FAM53A: variants seen among roughly 807,000 people sequenced by gnomAD.
FAM53A encodes the protein protein FAM53A.
In FAM53A, 28 loss-of-function variants were observed where a neutral mutation model predicts 26.6. The ratio of observed to expected loss-of-function variants is 1.05; its 90% confidence interval spans 0.78 to 1.45. The LOEUF (loss-of-function observed/expected upper bound fraction) is 1.45, where lower values mean the gene tolerates loss of function less well. Among genes scored for constraint, FAM53A ranks in the 40% most tolerant of loss-of-function variants. The pLI, the probability that FAM53A is intolerant of heterozygous loss-of-function variation, is 0.00. For missense variants in FAM53A, 650 were observed against 575.8 expected, an observed-to-expected ratio of 1.13 and a Z score of -1.32; for synonymous variants, 290 against 253.1, an observed-to-expected ratio of 1.15 and a Z score of -1.38.
At chr4:1,593,287 G>A in the FAM53A span, among the ~76,000 whole-genome samples, 2 of 152,080 alleles carry the variant, frequency 1.3e-5, no homozygotes, top group Non-Finnish European at 2.9e-5. Context: ...GCGCCCGCAG[G>A]AGGGAAGCCG....
At chr4:1,576,862 T>G in the FAM53A span, among the ~76,000 whole-genome samples, 3 of 152,078 alleles carry the variant, frequency 2.0e-5, no homozygotes, top group Non-Finnish European at 2.9e-5. Context: ...CACTTCCCAC[T>G]CTGTAAAATG....
intron 4 of FAM53A, among the ~76,000 whole-genome samples, 164 bp downstream of exon 4, chr4:1,654,814 C>T (rs1366049024): frequency 6.6e-6 from 1 of 152,216 alleles, no homozygotes; most frequent in African/African-American, 2.4e-5. Flanking sequence ...GGCCCCCGAT[C>T]GCTCCCACGC....
chr4:1,652,054 A>AGT (rs1712853442), intron 4 of FAM53A, among the ~76,000 whole-genome samples: 2 of 141,022 alleles, frequency 1.4e-5, no homozygotes, highest in African/African-American at 5.3e-5. Flanking sequence ...CACACACGCC[A>AGT]CACACACACC....
chr4:1,599,826 G>C, the FAM53A span, among the ~76,000 whole-genome samples: 1 of 152,240 alleles, frequency 6.6e-6, no homozygotes, highest in Non-Finnish European at 1.5e-5. The surrounding 1 kb of genome is among the most constrained non-coding windows in gnomAD (Gnocchi z 6.1). Flanking sequence ...AGTGGGGCCA[G>C]TGGCGCTGAG....
chr4:1,663,617 G>A (rs1714012567), intron 2 of FAM53A, among the ~76,000 whole-genome samples: 1 of 152,124 alleles, frequency 6.6e-6, no homozygotes, highest in South Asian at 2.1e-4. Flanking sequence ...GCCACCCAGA[G>A]ACAGTGAGCA....
downstream of FAM53A, among the ~76,000 whole-genome samples, chr4:1,638,162 GCCAA>G (rs1435910689): frequency 6.6e-6 from 1 of 151,812 alleles, no homozygotes; most frequent in Non-Finnish European, 1.5e-5. Context: ...ACCCTGCAGG[GCCAA>G]CCAAGGGACT....
the FAM53A span, among the ~76,000 whole-genome samples, chr4:1,599,131 C>T: frequency 1.3e-4 from 19 of 150,198 alleles, no homozygotes; most frequent in Non-Finnish European, 2.4e-4. The surrounding 1 kb of genome is among the most constrained non-coding windows in gnomAD (Gnocchi z 6.1). Context: ...GGTACTTCAC[C>T]GAGGCCAGGG....
At chr4:1,633,049 T>C (rs28439770) in intron 1 of FAM53A, among the ~76,000 whole-genome samples, 3 of 137,678 alleles carry the variant, frequency 2.2e-5, no homozygotes, top group Middle Eastern at 3.5e-3. Flanking sequence ...CATAGGTACA[T>C]GCTCATGCGC....
intron 4 of FAM53A, chr4:1,644,295 G>A (rs1712033426): frequency 7.2e-6 from 11 of 1,535,846 alleles, no homozygotes; most frequent in South Asian, 2.4e-5. Flanking sequence ...GTAAGCTCAC[G>A]CCGAGGCCTC....
chr4:1,673,563 T>C (rs564280229), intron 1 of FAM53A, among the ~76,000 whole-genome samples: 2 of 152,030 alleles, frequency 1.3e-5, no homozygotes, highest in Non-Finnish European at 2.9e-5. Context: ...TGAAACCCCA[T>C]CTCTATTAAA....
intron 4 of FAM53A, among the ~76,000 whole-genome samples, chr4:1,654,646 G>A (rs909392307): frequency 6.6e-6 from 1 of 152,232 alleles, no homozygotes; most frequent in African/African-American, 2.4e-5. Flanking sequence ...CCCAGCAGCT[G>A]AGGCGGGGGG....
chr4:1,583,972 A>G, the FAM53A span, among the ~76,000 whole-genome samples: 3 of 152,242 alleles, frequency 2.0e-5, 1 homozygote, highest in South Asian at 6.2e-4. Flanking sequence ...ATCATCAGCC[A>G]TTCAGGTTCT....
chr4:1,629,562 C>A (rs998027952), intron 1 of FAM53A, among the ~76,000 whole-genome samples: 26 of 152,308 alleles, frequency 1.7e-4, no homozygotes, highest in Admixed American at 1.4e-3. Context: ...TCTGGGCCAC[C>A]CCCTCATCCT....
At position 1,659,488 on chromosome 4, in the gene FAM53A, G is replaced by A. The variant is rs1342581355; in HGVS notation, c.76-2020C>T. Among the ~76,000 whole-genome samples, 10 of 152,296 alleles carry A rather than the reference G, an allele frequency of 6.6e-5. No homozygotes were observed. In the South Asian group the frequency reaches 1.0e-3, roughly 16 times the overall value. On this transcript the variant is annotated intron_variant, in intron 2 of 4. Transcript: ENST00000308132. The surrounding 1 kb of genome is among the most constrained non-coding windows in gnomAD (Gnocchi z 5.2). ...CCCAGCCGGCACAGATGGCTCTCAC[G>A]GGCAGCTTGAAGGAGCCACAGGCCC...
downstream of FAM53A, among the ~76,000 whole-genome samples, chr4:1,638,503 C>T (rs1167902802): frequency 6.6e-6 from 1 of 152,126 alleles, no homozygotes. Flanking sequence ...AGCCTCCAGC[C>T]CCACTCACCA....
chr4:1,609,865 A>C, the FAM53A span, among the ~76,000 whole-genome samples: 93 of 152,214 alleles, frequency 6.1e-4, 1 homozygote, highest in African/African-American at 2.1e-3. Flanking sequence ...CGGGAGGCTA[A>C]GGTGGGAGAA....
the FAM53A span, among the ~76,000 whole-genome samples, chr4:1,586,017 A>C: frequency 1.3e-5 from 2 of 152,202 alleles, no homozygotes; most frequent in Non-Finnish European, 2.9e-5. Context: ...GATTATAGGC[A>C]TGAGCCACCT....
chr4:1,610,282 C>A, the FAM53A span, among the ~76,000 whole-genome samples: 4 of 152,002 alleles, frequency 2.6e-5, no homozygotes, highest in African/African-American at 9.7e-5. Context: ...GGCCCCCAGA[C>A]TCCAGCTGCC....
chr4:1,590,955 C>CATATATACATATACATATATATAT, the FAM53A span, among the ~76,000 whole-genome samples: 2 of 46,280 alleles, frequency 4.3e-5, no homozygotes, highest in Non-Finnish European at 4.7e-5. Flanking sequence ...TTATTTAATG[C>CATATATACATATACATATATATAT]ATATATATAT....
Sources: allele counts gnomAD v4.1 joint callset (sites outside exome capture counted in the v4.1 genomes callset), GRCh38; gene constraint gnomAD v4.1.1; non-coding constraint Gnocchi (gnomAD v3.1); transcripts MANE v1.5; gene names NCBI Gene and HGNC (gene_info 2026-07-23, HGNC 2026-07-21).